FCRL2: variants seen among roughly 807,000 people sequenced by gnomAD.
FCRL2 encodes the protein Fc receptor-like protein 2.
In FCRL2, 48 loss-of-function variants were observed where a neutral mutation model predicts 59.8. The ratio of observed to expected loss-of-function variants is 0.80; its 90% CI spans 0.64 to 1.02. The LOEUF is 1.02. FCRL2 is among the 50% of genes least tolerant of loss of function. The probability of loss-of-function intolerance (pLI) is 0.00; values close to 1 mark genes in which losing one functional copy is unlikely to be tolerated. For synonymous variants in FCRL2, 251 were observed against 229.5 expected, an observed-to-expected ratio of 1.09 and a Z score of -0.85; for missense variants, 658 against 597.3, an observed-to-expected ratio of 1.10 and a Z score of -1.06.
At chr1:157,764,780 T>C (rs1649371189) in intron 7 of FCRL2, among the ~76,000 whole-genome samples, 2 of 151,988 alleles carry the variant, frequency 1.3e-5, no homozygotes. Context: ...CAAATGAAAA[T>C]TGAAACGTAA....
At position 157,745,977 on chromosome 1, in the gene FCRL2, G is replaced by T. The variant is rs538791063; in HGVS notation, c.*759C>A. On this transcript the variant is annotated 3_prime_UTR_variant, in exon 12 of 12. Coordinates refer to ENST00000361516, the MANE Select transcript of FCRL2 (RefSeq NM_030764.4). ...CACTCAAGTCGATGCACATAAAGAA[G>T]AAAATCTGGAGGAAACGGCTAAATT... 8 of 152,226 alleles carry T rather than the reference G, an allele frequency of 5.3e-5. No homozygotes were observed. The East Asian group carries it at 1.3e-3, about 26-fold the overall frequency. 9.4% of individuals were successfully genotyped at this position (152,226 alleles called of 1,614,324 possible).
At position 157,746,067 on chromosome 1, in the gene FCRL2, T is replaced by C. The variant is rs867381425; in HGVS notation, c.*669A>G. 1 of 152,112 alleles carries C rather than the reference T, an allele frequency of 6.6e-6. No individual in the cohort carries two copies. The highest frequency in any genetic ancestry group is 1.5e-5 in the Non-Finnish European group (1 of 68,050). The allele number at this position is 152,112 out of a possible 1,614,324, so 9.4% of individuals were successfully genotyped here. On this transcript the variant is annotated 3_prime_UTR_variant, in exon 12 of 12. Transcript: ENST00000361516. The stretch of plus-strand genomic sequence containing the variant: ...GACAGAAACCCCTCCTAGACCAATA[T>C]CAAGCGCTGAAGTTGAATTAGTAAT...
At chr1:157,748,717 C>G (rs1647952910) in intron 9 of FCRL2, 99 bp from the exon 10 acceptor site, 9 of 1,238,046 alleles carry the variant, frequency 7.3e-6, no homozygotes, top group Non-Finnish European at 8.3e-6. Context: ...TATCCTTCCT[C>G]TCAACCCCAA....
At chr1:157,767,018 G>A (rs1242291354) in intron 6 of FCRL2, 47 bp from the exon 7 acceptor site, 21 of 1,536,162 alleles carry the variant, frequency 1.4e-5, no homozygotes, top group Non-Finnish European at 1.8e-5. Flanking sequence ...TAAGACTTGG[G>A]CCCTTCTTAT....
intron 7 of FCRL2, among the ~76,000 whole-genome samples, chr1:157,757,375 G>A (rs1272031350): frequency 1.3e-5 from 2 of 152,126 alleles, no homozygotes; most frequent in Non-Finnish European, 2.9e-5. Flanking sequence ...TAGGATTAGT[G>A]TTCTTATAAG....
At position 157,767,379 on chromosome 1, in the gene FCRL2, A is replaced by T. The variant is rs996889537; in HGVS notation, c.1014T>A (p.Asp338Glu). ...GGGCCGAGCTGTTCCCAAGGGTGACATCCTCATGATAAAATTGGTACAAGA... is the reference window on the plus strand; with the variant it reads ...GGGCCGAGCTGTTCCCAAGGGTGACTTCCTCATGATAAAATTGGTACAAGA... ...PPILYQFYHE[D>E]VTLGNSSAPS... Residue 338 changes from aspartate to glutamate, a missense_variant, in exon 6 of 12, where the codon GAT becomes GAA. Coordinates refer to ENST00000361516, the MANE Select transcript of FCRL2 (RefSeq NM_030764.4). The T allele has an allele frequency of 6.2e-7, 1 of 1,614,236 alleles. No homozygotes were observed.
At chr1:157,764,962 G>A (rs1228324567) in intron 7 of FCRL2, among the ~76,000 whole-genome samples, 1 of 151,870 alleles carries the variant, frequency 6.6e-6, no homozygotes, top group Non-Finnish European at 1.5e-5. Flanking sequence ...GGAAAGAAAT[G>A]ATAACAGTCA....
chr1:157,761,341 A>G (rs948416431), intron 7 of FCRL2, among the ~76,000 whole-genome samples: 1 of 152,194 alleles, frequency 6.6e-6, no homozygotes, highest in Non-Finnish European at 1.5e-5. Context: ...TTAGGCTGGG[A>G]GTGGTGGCTC....
In FCRL2 at chr1:157,776,321, G is replaced by A. The variant is rs9427314; in HGVS notation, c.32-526C>T. 4.2e-3 allele frequency among the ~76,000 whole-genome samples: 646 copies of A among 152,258 alleles called. 6 individuals carry two copies. The highest frequency in any genetic ancestry group is 0.015 in the African/African-American group (621 of 41,538). On this transcript the variant is annotated intron_variant, in intron 1 of 11. Transcript: ENST00000361516. ...TATTTACTCTCTCACCCAGGCTGGA[G>A]TACAATGGTGCGATCTTGGCTCACC...
rs143258634 is a variant in FCRL2 at position 157,764,016 on chromosome 1, C to T, written c.1279+2839G>A. ...CTGCACTCCAGCCTGGGTGATAGTG[C>T]GAGACTTCATCTCAAAAAAAAAAAA... On this transcript the variant is annotated intron_variant, in intron 7 of 11. Coordinates refer to ENST00000361516, the MANE Select transcript of FCRL2 (RefSeq NM_030764.4). 7.9e-5 allele frequency among the ~76,000 whole-genome samples: 10 copies of T among 126,566 alleles called. No homozygotes were observed. The East Asian group carries it at 1.4e-3, about 17-fold the overall frequency. The allele number at this position is 126,566 out of a possible 152,430, so 83.0% of individuals were successfully genotyped here. A position where few individuals can be genotyped will look rare whatever the true frequency, so the allele number is the denominator to read the frequency against.
chr1:157,767,556 T>G, intron 5 of FCRL2, 47 bp from the exon 6 acceptor site: 2 of 1,614,220 alleles, frequency 1.2e-6, no homozygotes, highest in African/African-American at 1.3e-5. Context: ...GATGCCTCAA[T>G]AGATTCACAA....
intron 7 of FCRL2, among the ~76,000 whole-genome samples, chr1:157,751,013 T>A (rs1648144444): frequency 6.6e-6 from 1 of 152,146 alleles, no homozygotes; most frequent in Non-Finnish European, 1.5e-5. Context: ...TTGACATATG[T>A]CTATAATTTG....
intron 5 of FCRL2, 40 bp from the exon 6 acceptor site, chr1:157,767,549 G>T (rs149880764): frequency 2.5e-6 from 4 of 1,614,136 alleles, no homozygotes; most frequent in Non-Finnish European, 3.4e-6. Flanking sequence ...GATTTGTGAT[G>T]CCTCAATAGA....
chr1:157,753,834 C>T (rs1361926605), intron 7 of FCRL2, among the ~76,000 whole-genome samples: 1 of 152,012 alleles, frequency 6.6e-6, no homozygotes, highest in Non-Finnish European at 1.5e-5. Flanking sequence ...ATTAGCATAC[C>T]AAAGACACTC....
In FCRL2 at chr1:157,769,848, A is replaced by G. The variant is rs372869973; in HGVS notation, c.595+18T>C. The G allele has an allele frequency of 1.9e-6, 3 of 1,609,020 alleles. No homozygotes were observed. The African/African-American group carries it at 4.0e-5, about 22-fold the overall frequency. ...CTCCTATCTTTTTTTCTCCAGGCTCAGCCTCACTGATACTTGCTCTGCACG... is the reference window on the plus strand; with the variant it reads ...CTCCTATCTTTTTTTCTCCAGGCTCGGCCTCACTGATACTTGCTCTGCACG... On this transcript the variant is annotated intron_variant, in intron 4 of 11. Coordinates refer to ENST00000361516, the MANE Select transcript of FCRL2 (RefSeq NM_030764.4).
intron 5 of FCRL2, 92 bp downstream of exon 5, chr1:157,768,322 C>A: frequency 1.5e-6 from 2 of 1,372,598 alleles, no homozygotes; most frequent in East Asian, 4.6e-5. Context: ...CAGCACTAAT[C>A]CCTGGGGCCT....
chr1:157,750,450 A>C (rs2101670184), intron 7 of FCRL2, among the ~76,000 whole-genome samples: 1 of 152,314 alleles, frequency 6.6e-6, no homozygotes, highest in East Asian at 1.9e-4. Flanking sequence ...AGACATGCTA[A>C]ATTTCAAGAG....
chr1:157,764,619 G>C (rs1319038456), intron 7 of FCRL2, among the ~76,000 whole-genome samples: 1 of 152,134 alleles, frequency 6.6e-6, no homozygotes, highest in Non-Finnish European at 1.5e-5. Flanking sequence ...ATCATATCAA[G>C]TATCTTCTCA....
intron 7 of FCRL2, among the ~76,000 whole-genome samples, chr1:157,754,542 G>A (rs757681417): frequency 6.6e-6 from 1 of 152,032 alleles, no homozygotes; most frequent in Non-Finnish European, 1.5e-5. Context: ...TTCACTGTAC[G>A]GTATGGACTC....
Sources: gnomAD v4.1 joint callset for allele counts (sites outside exome capture counted in the v4.1 genomes callset) on GRCh38, gnomAD v4.1.1 for gene constraint, MANE v1.5 for transcripts, NCBI Gene and HGNC (gene_info 2026-07-23, HGNC 2026-07-21) for gene names.